SPTLC2: variants seen among roughly 807,000 people sequenced by gnomAD.
SPTLC2 encodes serine palmitoyltransferase long chain base subunit 2.
A neutral mutation model predicts 62.0 loss-of-function variants in SPTLC2; 21 were observed. The ratio of observed to expected loss-of-function variants is 0.34; its 90% CI spans 0.24 to 0.49. The LOEUF is 0.49. Among genes scored for constraint, SPTLC2 ranks in the 20% least tolerant of loss-of-function variants. The pLI, the probability that SPTLC2 is intolerant of heterozygous loss-of-function variation, is 0.99. For missense variants in SPTLC2, 511 were observed against 713.0 expected, an observed-to-expected ratio of 0.72 and a Z score of 3.23; for synonymous variants, 261 against 261.8, an observed-to-expected ratio of 1.00 and a Z score of 0.03.
intron 4 of SPTLC2, among the ~76,000 whole-genome samples, chr14:77,571,410 G>A (rs2079681924): frequency 6.6e-6 from 1 of 151,652 alleles, no homozygotes; most frequent in Non-Finnish European, 1.5e-5. Context: ...CTCGGGGGCT[G>A]AGGCAGGAGA....
intron 9 of SPTLC2, among the ~76,000 whole-genome samples, chr14:77,532,631 A>C (rs1417400515): frequency 6.6e-6 from 1 of 151,950 alleles, no homozygotes; most frequent in Non-Finnish European, 1.5e-5. Flanking sequence ...AAAAATACAA[A>C]AAATTAGCTG....
At position 77,552,100 on chromosome 14, in the gene SPTLC2, G is replaced by C; in HGVS notation, c.1299C>G (p.Ser433Arg). The C allele has an allele frequency of 2.5e-6, 4 of 1,614,042 alleles. No individual in the cohort carries two copies. The highest frequency in any genetic ancestry group is 3.4e-6 in the Non-Finnish European group (4 of 1,180,010). Reference sequence around the variant, plus strand: ...TTCAAGAAAAGAAAGACTTACCAAGGCTGGTGCCATCCTGCCCCATGATGC... The same window carrying C: ...TTCAAGAAAAGAAAGACTTACCAAGCCTGGTGCCATCCTGCCCCATGATGC... ...MKCIMGQDGT[S>R]LGKECVQQLA... Residue 433 changes from serine to arginine, a missense_variant, in exon 9 of 12, where the codon AGC (serine) becomes AGG (arginine). By Grantham distance (110) the Ser-to-Arg change is moderately radical. Transcript: ENST00000216484.
intron 6 of SPTLC2, 50 bp downstream of exon 6, chr14:77,562,346 C>A: frequency 6.6e-7 from 1 of 1,522,788 alleles, no homozygotes; most frequent in Non-Finnish European, 9.1e-7. Flanking sequence ...CACCATGGAT[C>A]GAAAGAATAG....
chr14:77,583,374 C>CCCAAAATGGG (rs1271441339), intron 2 of SPTLC2, among the ~76,000 whole-genome samples: 1 of 152,002 alleles, frequency 6.6e-6, no homozygotes, highest in Non-Finnish European at 1.5e-5. Context: ...CCAAAAATAT[C>CCCAAAATGGG]AGGTTAACTT....
At chr14:77,546,109 A>G (rs1433407821) in intron 9 of SPTLC2, among the ~76,000 whole-genome samples, 1 of 152,256 alleles carries the variant, frequency 6.6e-6, no homozygotes, top group Non-Finnish European at 1.5e-5. Flanking sequence ...GTCTGTTTTA[A>G]TAAAATGCTA....
At chr14:77,600,757 G>A (rs1027597095) in intron 1 of SPTLC2, among the ~76,000 whole-genome samples, 3 of 152,122 alleles carry the variant, frequency 2.0e-5, no homozygotes, top group Non-Finnish European at 4.4e-5. Context: ...TAATATTACT[G>A]TTTAAGAAAA....
chr14:77,598,500 C>T (rs1224948009), intron 1 of SPTLC2, among the ~76,000 whole-genome samples: 1 of 152,214 alleles, frequency 6.6e-6, no homozygotes, highest in Admixed American at 6.5e-5. Flanking sequence ...TTTACTACCA[C>T]ACATTCTTAA....
At chr14:77,528,687 A>G (rs1181838325) in intron 9 of SPTLC2, among the ~76,000 whole-genome samples, 1 of 152,232 alleles carries the variant, frequency 6.6e-6, no homozygotes, top group Non-Finnish European at 1.5e-5. Context: ...ATATGGAAAA[A>G]TACTACCCAT....
chr14:77,543,999 GAAAA>G (rs925336700), intron 9 of SPTLC2, among the ~76,000 whole-genome samples: 1 of 151,900 alleles, frequency 6.6e-6, no homozygotes, highest in Admixed American at 6.6e-5. Context: ...AAGTTAAAAG[GAAAA>G]AAAGAGGATT....
chr14:77,588,986 G>C (rs2079798696), intron 2 of SPTLC2, among the ~76,000 whole-genome samples: 1 of 90,430 alleles, frequency 1.1e-5, no homozygotes, highest in Admixed American at 1.4e-4. Flanking sequence ...GACAGAGTAA[G>C]ACCTTGTCTC....
chr14:77,568,756 C>T (rs980244330), intron 5 of SPTLC2, among the ~76,000 whole-genome samples: 3 of 142,278 alleles, frequency 2.1e-5, no homozygotes, highest in Non-Finnish European at 4.5e-5. Context: ...TGCAGTGAGC[C>T]GAAATCACAC....
At chr14:77,538,023 T>C (rs1291865900) in intron 9 of SPTLC2, among the ~76,000 whole-genome samples, 1 of 152,216 alleles carries the variant, frequency 6.6e-6, no homozygotes, top group African/African-American at 2.4e-5. Context: ...ATTTTCTATT[T>C]CCTGTGCACA....
At chr14:77,555,717 G>A (rs2079579881) in intron 7 of SPTLC2, among the ~76,000 whole-genome samples, 198 bp from the exon 8 acceptor site, 1 of 151,904 alleles carries the variant, frequency 6.6e-6, no homozygotes, top group South Asian at 2.1e-4. Flanking sequence ...CTGGGTTCAA[G>A]CGATTCTTGT....
chr14:77,607,693 T>C (rs1466242311), intron 1 of SPTLC2, among the ~76,000 whole-genome samples: 1 of 152,234 alleles, frequency 6.6e-6, no homozygotes, highest in African/African-American at 2.4e-5. Flanking sequence ...ATTTTTGTTA[T>C]TCATGTTATT....
At chr14:77,521,413 A>T in intron 10 of SPTLC2, 33 bp downstream of exon 10, 1 of 1,614,064 alleles carries the variant, frequency 6.2e-7, no homozygotes, top group East Asian at 2.2e-5. Context: ...AAGGATAAGG[A>T]CAGACTGGTC....
intron 9 of SPTLC2, among the ~76,000 whole-genome samples, chr14:77,550,971 G>T (rs535200018): frequency 6.6e-6 from 1 of 150,890 alleles, no homozygotes; most frequent in South Asian, 2.1e-4. Flanking sequence ...AAAATCAGAT[G>T]TGCCACTTTA....
In SPTLC2 at chr14:77,521,586, A is replaced by C. The variant is rs763217879; in HGVS notation, c.1304-5T>G. 20 of 1,613,802 alleles carry C rather than the reference A, an allele frequency of 1.2e-5. No individual in the cohort carries two copies. In the African/African-American group the frequency reaches 2.0e-4, roughly 16 times the overall value. On this transcript the variant is annotated splice_polypyrimidine_tract_variant and splice_region_variant and intron_variant, in intron 9 of 11. Coordinates refer to ENST00000216484, the MANE Select transcript of SPTLC2 (RefSeq NM_004863.4). Reference sequence around the variant, plus strand: ...ACTGTTGTACACACTCTTTACCTGGAAAGTCACGGTGAGAGAAAACAAAAT... The same window carrying C: ...ACTGTTGTACACACTCTTTACCTGGCAAGTCACGGTGAGAGAAAACAAAAT...
Position 77,521,497 on chromosome 14 carries a change from T to C in SPTLC2, c.1388A>G (p.Asn463Ser). ...LKEMGFIIYG[N>S]EDSPVVPLML... The stretch of plus-strand genomic sequence containing the variant: ...CAAAGGCACTACTGGAGAGTCTTCA[T>C]TTCCATAGATGATGAAGCCCATCTC... The change falls in exon 10 of 12, where the codon AAT (asparagine) becomes AGT (serine). Residue 463 changes from asparagine (N) to serine (S), a missense_variant. Coordinates refer to ENST00000216484, the MANE Select transcript of SPTLC2 (RefSeq NM_004863.4). 1 of 1,614,184 alleles carries C rather than the reference T, an allele frequency of 6.2e-7. No homozygotes were observed. The highest frequency in any genetic ancestry group is 8.5e-7 in the Non-Finnish European group (1 of 1,180,020).
intron 8 of SPTLC2, among the ~76,000 whole-genome samples, chr14:77,552,866 T>A (rs575379723): frequency 1.3e-5 from 2 of 151,980 alleles, no homozygotes; most frequent in African/African-American, 4.8e-5. Context: ...AACAAGGTGT[T>A]TGGATTGCTT....
Sources: gnomAD v4.1 joint callset for allele counts (sites outside exome capture counted in the v4.1 genomes callset) on GRCh38, gnomAD v4.1.1 for gene constraint, MANE v1.5 for transcripts, NCBI Gene and HGNC (gene_info 2026-07-23, HGNC 2026-07-21) for gene names.